STYXL1: variants seen among roughly 807,000 people sequenced by gnomAD.
The protein encoded by STYXL1 is serine/threonine/tyrosine interacting like 1.
In STYXL1, 32 loss-of-function variants were observed where a neutral mutation model predicts 36.4. The observed-to-expected ratio is 0.88, with a 90% CI of 0.66 to 1.18. The LOEUF is 1.18. Ranked by LOEUF, STYXL1 falls within the 50% of genes most tolerant of loss-of-function variation. The probability of loss-of-function intolerance (pLI) is 0.00; values close to 1 mark genes in which losing one functional copy is unlikely to be tolerated. For missense variants in STYXL1, 354 were observed against 394.1 expected, an observed-to-expected ratio of 0.90 and a Z score of 0.86; for synonymous variants, 133 against 144.1, an observed-to-expected ratio of 0.92 and a Z score of 0.55.
chr7:76,038,714 C>CTGCGCCCAG (rs1796189363), intron 1 of STYXL1, among the ~76,000 whole-genome samples: 3 of 150,156 alleles, frequency 2.0e-5, no homozygotes, highest in African/African-American at 7.6e-5. Context: ...GCGTGAGCCA[C>CTGCGCCCAG]CGTTGAATGA....
chr7:76,033,331 T>C (rs1554579885), intron 1 of STYXL1, among the ~76,000 whole-genome samples: 1 of 151,940 alleles, frequency 6.6e-6, no homozygotes, highest in African/African-American at 2.4e-5. Flanking sequence ...TTTGTGGAGA[T>C]GGGGGTCTCA....
chr7:76,039,227 C>T (rs545234147), intron 1 of STYXL1, among the ~76,000 whole-genome samples: 2 of 149,364 alleles, frequency 1.3e-5, no homozygotes, highest in African/African-American at 2.6e-5. Flanking sequence ...TGAGTCACCG[C>T]ACCCGGCCAA....
intron 1 of STYXL1, among the ~76,000 whole-genome samples, chr7:76,030,851 A>T (rs1003529665): frequency 7.8e-4 from 26 of 33,494 alleles, no homozygotes; most frequent in African/African-American, 5.4e-3. Context: ...CATCTCTACT[A>T]AAAAAAAAAA....
intron 5 of STYXL1, among the ~76,000 whole-genome samples, chr7:76,010,443 G>C (rs1585213847): frequency 8.2e-6 from 1 of 121,966 alleles, no homozygotes; most frequent in East Asian, 2.7e-4. Context: ...ATGCGGGGCA[G>C]GGGACGGGTC....
At chr7:76,019,657 G>C (rs138427200) in intron 4 of STYXL1, among the ~76,000 whole-genome samples, 1,659 of 152,110 alleles carry the variant, frequency 0.011, 25 homozygotes, top group African/African-American at 0.036. Flanking sequence ...ACTTCCAGAA[G>C]GGGCTGTGGA....
chr7:76,005,450 G>C (rs782648995), intron 5 of STYXL1, 46 bp from the exon 6 acceptor site: 5 of 1,534,094 alleles, frequency 3.3e-6, no homozygotes, highest in Non-Finnish European at 4.5e-6. Flanking sequence ...ATTCCTCAGG[G>C]AAGAGGGATG....
chr7:76,005,202 T>C (rs1791516620), intron 6 of STYXL1, 57 bp downstream of exon 6: 1 of 1,019,430 alleles, frequency 9.8e-7, no homozygotes, highest in East Asian at 4.6e-5. Flanking sequence ...TAAAATAAAT[T>C]TAAATATTAT....
intron 1 of STYXL1, among the ~76,000 whole-genome samples, chr7:76,038,422 A>ATTTTT: frequency 7.6e-6 from 1 of 132,224 alleles, no homozygotes; most frequent in Admixed American, 7.7e-5. Context: ...ATTGAATGAC[A>ATTTTT]TTTTTTTTTT....
chr7:75,997,203 G>A (rs940331672), intron 8 of STYXL1, among the ~76,000 whole-genome samples: 3 of 152,194 alleles, frequency 2.0e-5, no homozygotes, highest in East Asian at 3.8e-4. Flanking sequence ...GGGCCGAGAC[G>A]GGTGGATCAC....
chr7:76,006,219 G>T (rs1239973289), intron 5 of STYXL1, among the ~76,000 whole-genome samples: 1 of 151,922 alleles, frequency 6.6e-6, no homozygotes, highest in Non-Finnish European at 1.5e-5. Context: ...CTACAGGTGC[G>T]CATGACCATA....
rs528328892 is a variant in STYXL1, at chr7:76,035,613, G to T, written c.-4-5086C>A. Among the ~76,000 whole-genome samples the T allele has an allele frequency of 1.3e-5, 2 of 149,736 alleles. 1 individual carries two copies. The highest frequency in any genetic ancestry group is 3.0e-5 in the Non-Finnish European group (2 of 66,948). The stretch of plus-strand genomic sequence containing the variant: ...TCCTCACTCCCACCCCCCAAGTCAG[G>T]TTCCACATCCTCTGCCTCTGAAAGC... On this transcript the variant is annotated intron_variant, in intron 1 of 8. Transcript: ENST00000359697.
chr7:76,005,373 T>A lies in STYXL1; in HGVS notation c.485A>T (p.Glu162Val). The A allele has an allele frequency of 6.2e-7, 1 of 1,613,272 alleles. No individual in the cohort carries two copies. Among genetic ancestry groups the A allele is most frequent in the South Asian group, 1.1e-5 (1 of 91,032 alleles). The change falls in exon 6 of 9, where the codon GAA becomes GTA. Residue 162 changes from glutamate (E) to valine (V), a missense_variant. Physicochemically the swap from Glu to Val is moderately radical, Grantham distance 121. Coordinates refer to ENST00000359697, the MANE Select transcript of STYXL1 (RefSeq NM_001317785.2). ...AACGAAGACCTTCCCTGGCACGATT[T>A]CAATGGGGTATGGCTGAAATGCATC... Reference protein sequence around the residue: ...ELDAFQPYPIEIVPGKVFVGN... With the variant: ...ELDAFQPYPIVIVPGKVFVGN...
intron 1 of STYXL1, among the ~76,000 whole-genome samples, chr7:76,036,095 GTTTA>G (rs1318902540): frequency 1.3e-5 from 2 of 149,650 alleles, no homozygotes; most frequent in African/African-American, 2.4e-5. Context: ...ACCCTGAAGA[GTTTA>G]TTTATTTACT....
intron 1 of STYXL1, among the ~76,000 whole-genome samples, chr7:76,046,339 T>TGTGTGC (rs1797056612): frequency 1.1e-4 from 5 of 44,900 alleles, no homozygotes; most frequent in African/African-American, 2.9e-4. Context: ...TGTGTGTGTG[T>TGTGTGC]GCGCGCGCGC....
intron 1 of STYXL1, among the ~76,000 whole-genome samples, chr7:76,030,850 TA>T (rs1160725857): frequency 0.39 from 22,180 of 56,970 alleles, 3,078 homozygotes; most frequent in East Asian, 0.53. Context: ...CCATCTCTAC[TA>T]AAAAAAAAAA....
chr7:75,997,269 TA>T (rs34220250), intron 8 of STYXL1, among the ~76,000 whole-genome samples: 3 of 152,004 alleles, frequency 2.0e-5, no homozygotes, highest in Admixed American at 6.6e-5. Context: ...CTGTCTCTAC[TA>T]AAAAAATGCA....
Position 76,021,725 on chromosome 7 carries a change from C to T in STYXL1, c.307+126G>A, listed in dbSNP as rs530928074. The T allele has an allele frequency of 4.1e-6, 3 of 734,388 alleles. No individual in the cohort carries two copies. The Admixed American group carries it at 6.4e-5, about 16-fold the overall frequency. The allele number at this position is 734,388 out of a possible 1,614,324, so 45.5% of individuals were successfully genotyped here. ...TGATCATGAAGCTCTTTTTCTGACG[C>T]AAACCCTGCTGTCTCAGTGTCATTG... On this transcript the variant is annotated intron_variant, in intron 4 of 8. Coordinates refer to ENST00000359697, the MANE Select transcript of STYXL1 (RefSeq NM_001317785.2).
chr7:76,031,633 TG>T (rs1795344764), intron 1 of STYXL1, among the ~76,000 whole-genome samples: 1 of 151,130 alleles, frequency 6.6e-6, no homozygotes, highest in South Asian at 2.1e-4. Flanking sequence ...GAGAATCACT[TG>T]AACCCGGGAG....
intron 4 of STYXL1, among the ~76,000 whole-genome samples, chr7:76,019,593 C>T (rs1483609811): frequency 2.6e-5 from 4 of 151,960 alleles, no homozygotes; most frequent in African/African-American, 7.3e-5. Context: ...TGTGAGGCAC[C>T]GTGCCTGGCT....
Sources: gnomAD v4.1 joint callset for allele counts (sites outside exome capture counted in the v4.1 genomes callset) on GRCh38, gnomAD v4.1.1 for gene constraint, MANE v1.5 for transcripts, NCBI Gene and HGNC (gene_info 2026-07-23, HGNC 2026-07-21) for gene names.